Variants in ZNF521 observed in about 807,000 individuals in gnomAD.
The protein encoded by ZNF521 is zinc finger protein 521.
Under a neutral mutation model 105.5 loss-of-function variants are expected in ZNF521, and 14 were observed. The ratio of observed to expected loss-of-function variants is 0.13; its 90% CI spans 0.09 to 0.21. The LOEUF is 0.21. ZNF521 is among the 10% of genes least tolerant of loss of function. The pLI, the probability that ZNF521 is intolerant of heterozygous loss-of-function variation, is 1.00. For missense variants in ZNF521, 1,233 were observed against 1,629.7 expected, an observed-to-expected ratio of 0.76 and a Z score of 4.19; for synonymous variants, 635 against 606.0, an observed-to-expected ratio of 1.05 and a Z score of -0.70.
Position 25,097,607 on chromosome 18 carries a change from A to G in ZNF521, c.3659-5526T>C, listed in dbSNP as rs142722975. ...TGAGAGAGGAACAGAAGACACAGGC[A>G]TGAGACTCTTACAATAAGAGGAAAA... On this transcript the variant is annotated intron_variant, in intron 5 of 7. Transcript: ENST00000361524. Among the ~76,000 whole-genome samples, 275 of 152,240 alleles carry G rather than the reference A, an allele frequency of 1.8e-3. 2 individuals carry two copies. Among genetic ancestry groups the G allele is most frequent in the Non-Finnish European group, 1.2e-3 (82 of 68,012 alleles).
At chr18:25,331,433 A>G (rs1378735224) in intron 2 of ZNF521, among the ~76,000 whole-genome samples, 1 of 152,210 alleles carries the variant, frequency 6.6e-6, no homozygotes, top group Non-Finnish European at 1.5e-5. Flanking sequence ...GACAGCTACA[A>G]TAAGAAATAA....
At chr18:25,155,728 T>TGG (rs2035131101) in intron 5 of ZNF521, among the ~76,000 whole-genome samples, 4 of 152,244 alleles carry the variant, frequency 2.6e-5, no homozygotes, top group Non-Finnish European at 5.9e-5. Context: ...TAGTTGTCCA[T>TGG]ATATGTTTGG....
intron 5 of ZNF521, among the ~76,000 whole-genome samples, chr18:25,168,131 C>T (rs1312920101): frequency 6.6e-6 from 1 of 152,126 alleles, no homozygotes. Context: ...GCATTAAGAG[C>T]AATTCACCTG....
At chr18:25,171,244 C>T (rs965630265) in intron 5 of ZNF521, among the ~76,000 whole-genome samples, 3 of 152,090 alleles carry the variant, frequency 2.0e-5, no homozygotes, top group African/African-American at 7.2e-5. Context: ...ATTACTGCAT[C>T]GAAGACTTGC....
At chr18:25,129,246 G>GAATAATAATAAT (rs747830346) in intron 5 of ZNF521, among the ~76,000 whole-genome samples, 7 of 127,422 alleles carry the variant, frequency 5.5e-5, no homozygotes, top group African/African-American at 1.8e-4. Context: ...CTTTCACACG[G>GAATAATAATAAT]AATAATAATA....
At chr18:25,122,283 C>A (rs919587866) in intron 5 of ZNF521, among the ~76,000 whole-genome samples, 10 of 152,022 alleles carry the variant, frequency 6.6e-5, no homozygotes, top group African/African-American at 2.2e-4. Context: ...AACAAAGTAT[C>A]AATGAACTGT....
intron 4 of ZNF521, among the ~76,000 whole-genome samples, chr18:25,219,627 ACTC>A (rs1435232992): frequency 3.3e-5 from 5 of 151,370 alleles, no homozygotes; most frequent in Admixed American, 3.3e-4. Context: ...CTGGTCTTGA[ACTC>A]CTCACGGCAA....
intron 5 of ZNF521, among the ~76,000 whole-genome samples, chr18:25,191,122 C>G (rs1488060979): frequency 6.6e-6 from 1 of 152,044 alleles, no homozygotes; most frequent in African/African-American, 2.4e-5. Flanking sequence ...TTTTACAAAA[C>G]GGGGTATCCT....
At position 25,118,483 on chromosome 18, in the gene ZNF521, T is replaced by A. The variant is rs1243471082; in HGVS notation, c.3659-26402A>T. Among the ~76,000 whole-genome samples the A allele has an allele frequency of 2.0e-5, 3 of 152,152 alleles. No individual in the cohort carries two copies. In the East Asian group the frequency reaches 5.8e-4, roughly 29 times the overall value. On this transcript the variant is annotated intron_variant, in intron 5 of 7. Transcript: ENST00000361524. Reference sequence around the variant, plus strand: ...ATGGGGTTTATTACCTATGTAGACATAATACATATGAAATCTATATCACAG... The same window carrying A: ...ATGGGGTTTATTACCTATGTAGACAAAATACATATGAAATCTATATCACAG...
intron 7 of ZNF521, among the ~76,000 whole-genome samples, chr18:25,063,378 G>A (rs1292051390): frequency 1.3e-5 from 2 of 152,160 alleles, no homozygotes; most frequent in Non-Finnish European, 2.9e-5. Flanking sequence ...TGGCTCAGGG[G>A]CAGATTACAG....
chr18:25,247,689 G>A (rs1907827618), intron 3 of ZNF521, among the ~76,000 whole-genome samples: 1 of 152,154 alleles, frequency 6.6e-6, no homozygotes, highest in South Asian at 2.1e-4. Flanking sequence ...TTATTTGCAG[G>A]CAGCAGAGAC....
chr18:25,122,285 A>G (rs575741503), intron 5 of ZNF521, among the ~76,000 whole-genome samples: 3 of 152,344 alleles, frequency 2.0e-5, no homozygotes, highest in South Asian at 2.1e-4. Context: ...CAAAGTATCA[A>G]TGAACTGTGG....
At chr18:25,342,935 C>G (rs895242823) in intron 2 of ZNF521, among the ~76,000 whole-genome samples, 2 of 152,114 alleles carry the variant, frequency 1.3e-5, no homozygotes, top group Non-Finnish European at 2.9e-5. Context: ...GCTAAGAACA[C>G]GTATGAAATG....
chr18:25,138,226 C>CATCT (rs2034773349), intron 5 of ZNF521, among the ~76,000 whole-genome samples: 1 of 152,176 alleles, frequency 6.6e-6, no homozygotes, highest in Admixed American at 6.5e-5. Context: ...ATATTAAAGG[C>CATCT]ATCTACTCTC....
rs940146276 is a variant in ZNF521 at position 25,349,140 on chromosome 18, G to A, written c.40+1767C>T. On this transcript the variant is annotated intron_variant, in intron 2 of 7. Coordinates refer to ENST00000361524, the MANE Select transcript of ZNF521 (RefSeq NM_015461.3). ...TCTTGGAGCCCTTTCCACCGGACAG[G>A]CACTAACCGCTATCCTACTTCAACT... Among the ~76,000 whole-genome samples, 27 of 152,108 alleles carry A rather than the reference G, an allele frequency of 1.8e-4. No individual in the cohort carries two copies. The South Asian group carries it at 1.9e-3, about 11-fold the overall frequency.
intron 4 of ZNF521, among the ~76,000 whole-genome samples, chr18:25,209,055 C>G (rs1395633753): frequency 6.6e-6 from 1 of 152,148 alleles, no homozygotes; most frequent in Admixed American, 6.5e-5. Context: ...CACTCGACTT[C>G]TAAATCATGG....
rs752678236 is a variant in ZNF521, at chr18:25,340,071, C to T, written c.40+10836G>A. 2.6e-5 allele frequency among the ~76,000 whole-genome samples: 4 copies of T among 152,082 alleles called. 1 individual carries two copies. Among genetic ancestry groups the T allele is most frequent in the Non-Finnish European group, 5.9e-5 (4 of 67,978 alleles). ...AAAATGCTGTCTTTAAAGCAACACA[C>T]TTTGGTAGGTTGTGGTGGCTCACGC... On this transcript the variant is annotated intron_variant, in intron 2 of 7. Transcript: ENST00000361524.
At chr18:25,326,424 CT>C (rs1913226112) in intron 2 of ZNF521, among the ~76,000 whole-genome samples, 1 of 152,206 alleles carries the variant, frequency 6.6e-6, no homozygotes, top group Non-Finnish European at 1.5e-5. Context: ...AGGAATATTT[CT>C]GCAGCTCAGT....
intron 5 of ZNF521, among the ~76,000 whole-genome samples, chr18:25,158,127 T>C (rs927455891): frequency 6.6e-6 from 1 of 152,160 alleles, no homozygotes; most frequent in African/African-American, 2.4e-5. Context: ...CATAGAATAG[T>C]TGTGGTTTCG....
Sources: gnomAD v4.1 joint callset for allele counts (sites outside exome capture counted in the v4.1 genomes callset) on GRCh38, gnomAD v4.1.1 for gene constraint, MANE v1.5 for transcripts, NCBI Gene and HGNC (gene_info 2026-07-23, HGNC 2026-07-21) for gene names.